The following RASGEF1C variants were observed in gnomAD, a reference collection of about 807,000 sequenced individuals.
RASGEF1C encodes the protein RasGEF domain family member 1C, also known as ras-GEF domain-containing family member 1C.
Under a neutral mutation model 58.1 loss-of-function variants are expected in RASGEF1C, and 27 were observed. That is an observed-to-expected ratio of 0.46 (90% CI 0.34 to 0.64). The LOEUF (loss-of-function observed/expected upper bound fraction) is 0.64. Ranked by LOEUF, RASGEF1C falls within the 30% of genes least tolerant of loss-of-function variation. The pLI is 0.01. For synonymous variants in RASGEF1C, 243 were observed against 246.3 expected (o/e 0.99, Z 0.13); for missense variants, 502 against 605.1 (o/e 0.83, Z 1.79).
intron 1 of RASGEF1C, among the ~76,000 whole-genome samples, chr5:180,154,206 C>T (rs1269190161): frequency 1.3e-5 from 2 of 152,088 alleles, no homozygotes; most frequent in African/African-American, 4.8e-5. Context: ...CAGCTGGCCC[C>T]GGGCACTGTT....
At chr5:180,166,513 T>C (rs913069642) in intron 1 of RASGEF1C, among the ~76,000 whole-genome samples, 31 of 151,332 alleles carry the variant, frequency 2.0e-4, no homozygotes, top group African/African-American at 5.1e-4. Context: ...CAAAGAATTT[T>C]TCTTTTTTTT....
Position 180,156,399 on chromosome 5 carries a change from G to A in RASGEF1C, c.-6-18341C>T, listed in dbSNP as rs1766847042. 6.6e-6 allele frequency among the ~76,000 whole-genome samples: 1 copy of A among 152,204 alleles called. No homozygotes were observed. The highest frequency in any genetic ancestry group is 2.4e-5 in the African/African-American group (1 of 41,464). ...GAAAGGGAGTCTTCGGAAACACTGGGCTCAGCACAGTTGGTGCCTGGCAGG... is the reference window on the plus strand; with the variant it reads ...GAAAGGGAGTCTTCGGAAACACTGGACTCAGCACAGTTGGTGCCTGGCAGG... On this transcript the variant is annotated intron_variant, in intron 1 of 13. Transcript: ENST00000361132. This position sits in a 1 kb window ranked among gnomAD's most constrained non-coding sequence, Gnocchi z 4.9.
chr5:180,113,367 A>C (rs111161628), intron 11 of RASGEF1C, among the ~76,000 whole-genome samples: 6 of 45,592 alleles, frequency 1.3e-4, no homozygotes, highest in Non-Finnish European at 1.8e-4. Flanking sequence ...GGGATCCGGG[A>C]TGGACGGAGG....
intron 4 of RASGEF1C, among the ~76,000 whole-genome samples, chr5:180,134,801 CAATTCACG>C (rs1463852257): frequency 6.8e-6 from 1 of 147,482 alleles, no homozygotes; most frequent in East Asian, 2.0e-4. Flanking sequence ...ACAGAACTGT[CAATTCACG>C]CATCTACCCT....
intron 7 of RASGEF1C, 139 bp downstream of exon 7, chr5:180,120,921 G>C (rs1253281793): frequency 1.6e-6 from 1 of 633,752 alleles, no homozygotes; most frequent in African/African-American, 1.8e-5. Flanking sequence ...TGGAGTCCTG[G>C]AGGGGTGCCC....
intron 10 of RASGEF1C, chr5:180,115,172 G>A (rs1327879449): frequency 6.2e-6 from 2 of 321,850 alleles, no homozygotes; most frequent in South Asian, 2.5e-5. Flanking sequence ...CTGCTGCCAC[G>A]CCCGGCTAGT....
At chr5:180,130,733 G>A (rs1313312877) in intron 4 of RASGEF1C, among the ~76,000 whole-genome samples, 1 of 152,152 alleles carries the variant, frequency 6.6e-6, no homozygotes, top group Non-Finnish European at 1.5e-5. Context: ...GGGGTTCGGG[G>A]TTCTTCCTGC....
chr5:180,114,505 T>G lies in RASGEF1C; in HGVS notation c.1120A>C (p.Ile374Leu), dbSNP rs1482174002. 11 of 1,612,510 alleles carry G rather than the reference T, an allele frequency of 6.8e-6. No homozygotes were observed. The highest frequency in any genetic ancestry group is 1.3e-5 in the African/African-American group (1 of 75,016). ...IPFFSLLIKD[I>L]YFLNEGCANR... ...GCGCAGCCCTCATTCAGGAAGTAGA[T>G]GTCTTTGATGAGCAGGCTGAAGAAA... Residue 374 changes from isoleucine (I) to leucine (L), a missense_variant, in exon 11 of 14, where the codon ATC (isoleucine) becomes CTC (leucine). Physicochemically the swap from Ile to Leu is conservative, Grantham distance 5. Transcript: ENST00000361132.
At position 180,178,682 on chromosome 5, in the gene RASGEF1C, T is replaced by C. The variant is rs538226184; in HGVS notation, c.-7+30346A>G. On this transcript the variant is annotated intron_variant, in intron 1 of 13. Transcript: ENST00000361132. ...TAGAAAGAACCTAACACCCCAGCTCTGAAGTGCACCATCACCAGCTGCTGC... is the reference window on the plus strand; with the variant it reads ...TAGAAAGAACCTAACACCCCAGCTCCGAAGTGCACCATCACCAGCTGCTGC... Among the ~76,000 whole-genome samples, 9 of 152,286 alleles carry C rather than the reference T, an allele frequency of 5.9e-5. No homozygotes were observed. In the South Asian group the frequency reaches 1.9e-3, roughly 32 times the overall value.
At chr5:180,124,935 C>A in intron 6 of RASGEF1C, among the ~76,000 whole-genome samples, 1 of 152,084 alleles carries the variant, frequency 6.6e-6, no homozygotes. Flanking sequence ...AGTTCTAGAC[C>A]AGTCTGGGCA....
intron 1 of RASGEF1C, among the ~76,000 whole-genome samples, chr5:180,200,566 G>C (rs2127564187): frequency 6.6e-6 from 1 of 152,018 alleles, no homozygotes; most frequent in East Asian, 2.0e-4. Flanking sequence ...GCCCACCTCG[G>C]CTTCCCAAAG....
At position 180,209,110 on chromosome 5, in the gene RASGEF1C, C is replaced by CGGA. The variant is rs1756552666; in HGVS notation, c.-90_-89insTCC. ...CTCGGCGCCGCGGACCGGGGCGCCGCCCGCCGCCGCCGCCGCCGCCGCCGC... is the reference window on the plus strand; with the variant it reads ...CTCGGCGCCGCGGACCGGGGCGCCGCGGACCGCCGCCGCCGCCGCCGCCGCCGC... On this transcript the variant is annotated 5_prime_UTR_variant, in exon 1 of 14. Coordinates refer to ENST00000361132, the MANE Select transcript of RASGEF1C (RefSeq NM_175062.4). 6.9e-6 allele frequency: 1 copy of CGGA among 144,578 alleles called. No homozygotes were observed. The highest frequency in any genetic ancestry group is 1.5e-5 in the Non-Finnish European group (1 of 65,094). 9.0% of individuals were successfully genotyped at this position (144,578 alleles called of 1,614,324 possible).
chr5:180,193,542 G>A (rs1280907524), intron 1 of RASGEF1C, among the ~76,000 whole-genome samples: 1 of 152,152 alleles, frequency 6.6e-6, no homozygotes, highest in East Asian at 1.9e-4. Flanking sequence ...GCCAGGACCG[G>A]GGGACTCAAC....
chr5:180,114,665 G>A (rs1024391419), intron 10 of RASGEF1C, 124 bp from the exon 11 acceptor site: 1 of 814,034 alleles, frequency 1.2e-6, no homozygotes, highest in Admixed American at 2.4e-5. Context: ...AGGGTGCAGA[G>A]GGCAGGGGAG....
At chr5:180,172,347 C>T (rs1433785527) in intron 1 of RASGEF1C, among the ~76,000 whole-genome samples, 2 of 152,154 alleles carry the variant, frequency 1.3e-5, no homozygotes, top group African/African-American at 2.4e-5. Flanking sequence ...TAGGCAGGAA[C>T]GGCCACCTGG....
intron 1 of RASGEF1C, among the ~76,000 whole-genome samples, chr5:180,174,470 GTA>G (rs1229509116): frequency 5.2e-5 from 6 of 114,510 alleles, no homozygotes; most frequent in South Asian, 3.0e-4. Context: ...ATGTCTGTGT[GTA>G]TGTGTGTCTG....
chr5:180,136,244 A>C, intron 4 of RASGEF1C, 134 bp downstream of exon 4: 1 of 939,400 alleles, frequency 1.1e-6, no homozygotes. Context: ...TTGATAGGCC[A>C]GAAAGCGGCT....
At chr5:180,138,875 C>G (rs1766531833) in intron 1 of RASGEF1C, among the ~76,000 whole-genome samples, 1 of 152,176 alleles carries the variant, frequency 6.6e-6, no homozygotes, top group Non-Finnish European at 1.5e-5. Flanking sequence ...TCTTCACTCC[C>G]CTATCCCTCC....
intron 8 of RASGEF1C, 137 bp from the exon 9 acceptor site, chr5:180,119,003 G>A (rs755217508): frequency 2.2e-5 from 17 of 768,592 alleles, no homozygotes; most frequent in African/African-American, 1.2e-4. Context: ...GTGGGTGAGG[G>A]GGTGCTGGTG....
Sources: gnomAD v4.1 joint callset for allele counts (sites outside exome capture counted in the v4.1 genomes callset) on GRCh38, gnomAD v4.1.1 for gene constraint, Gnocchi (gnomAD v3.1) non-coding constraint, MANE v1.5 for transcripts, NCBI Gene and HGNC (gene_info 2026-07-23, HGNC 2026-07-21) for gene names.